TNFRSF1A: variants seen among roughly 807,000 people sequenced by gnomAD.
TNFRSF1A encodes the protein tumor necrosis factor receptor superfamily member 1A.
TNFRSF1A carries 9 observed loss-of-function variants against 41.6 expected under a neutral mutation model. That is an observed-to-expected ratio of 0.22 (90% CI 0.13 to 0.38). The LOEUF (loss-of-function observed/expected upper bound fraction) is 0.38. Among genes scored for constraint, TNFRSF1A ranks in the 10% least tolerant of loss-of-function variants. The pLI is 1.00. For synonymous variants in TNFRSF1A, 254 were observed against 248.6 expected (o/e 1.02, Z -0.21); for missense variants, 463 against 591.5 (o/e 0.78, Z 2.25).
chr12:6,339,154 G>T (rs1415784160), intron 1 of TNFRSF1A, among the ~76,000 whole-genome samples: 1 of 152,028 alleles, frequency 6.6e-6, no homozygotes, highest in African/African-American at 2.4e-5. Flanking sequence ...CTGCCACCCT[G>T]CCCATCAACA....
At chr12:6,338,403 T>G (rs1948146594) in intron 1 of TNFRSF1A, among the ~76,000 whole-genome samples, 1 of 152,112 alleles carries the variant, frequency 6.6e-6, no homozygotes, top group Non-Finnish European at 1.5e-5. Context: ...TTATTGCAAG[T>G]GTCTTCTAGC....
rs1326863625 is a variant in TNFRSF1A at position 6,329,231 on chromosome 12, G to T, written c.*81C>A. 4 of 1,362,094 alleles carry T rather than the reference G, an allele frequency of 2.9e-6. No individual in the cohort carries two copies. In the East Asian group the frequency reaches 1.1e-4, roughly 36 times the overall value. 84.4% of individuals were successfully genotyped at this position (1,362,094 alleles called of 1,614,324 possible). ...TGCTAGCTCCTGCTTGCCCCTGCAG[G>T]ACCCCTCCTTTCCAGAAAAAAGTGG... On this transcript the variant is annotated 3_prime_UTR_variant, in exon 10 of 10. Transcript: ENST00000162749.
intron 5 of TNFRSF1A, 24 bp from the exon 6 acceptor site, chr12:6,330,950 G>A: frequency 6.2e-7 from 1 of 1,602,946 alleles, no homozygotes; most frequent in Non-Finnish European, 8.5e-7. Context: ...CGGCACTGGT[G>A]AACAGAGGCC....
Position 6,329,718 on chromosome 12 carries a change from C to T in TNFRSF1A, c.1057+60G>A, listed in dbSNP as rs565880784. ...CTCTCGTGGTCCCCTCTGGGAGCGC[C>T]TCCCGCGCTCCCCCGGCCCTCCCCC... On this transcript the variant is annotated intron_variant, in intron 9 of 9. Transcript: ENST00000162749. The T allele has an allele frequency of 5.1e-5, 79 of 1,547,664 alleles. No individual in the cohort carries two copies. The African/African-American group carries it at 9.2e-4, about 18-fold the overall frequency.
chr12:6,330,972 G>A, intron 5 of TNFRSF1A, 46 bp from the exon 6 acceptor site: 1 of 1,536,008 alleles, frequency 6.5e-7, no homozygotes, highest in Non-Finnish European at 9.0e-7. Context: ...TACCATTGGA[G>A]GAACACAGAA....
rs1338058238 is a variant in TNFRSF1A at position 6,329,766 on chromosome 12, G to A, written c.1057+12C>T. 1.3e-6 allele frequency: 2 copies of A among 1,597,172 alleles called. No individual in the cohort carries two copies. Among genetic ancestry groups the A allele is most frequent in the Non-Finnish European group, 8.5e-7 (1 of 1,172,258 alleles). On this transcript the variant is annotated intron_variant, in intron 9 of 9. Transcript: ENST00000162749. ...CCCAGCCTCCTCGTCTCCAGCCGCG[G>A]GAGAAACTCACTGTCTAGGCTCTGT...
At chr12:6,330,441 C>T (rs1948034598) in intron 7 of TNFRSF1A, 146 bp from the exon 8 acceptor site, 1 of 1,028,362 alleles carries the variant, frequency 9.7e-7, no homozygotes. Context: ...TGCAGCTCGA[C>T]ATCTCCCCAG....
chr12:6,341,030 G>C lies in TNFRSF1A; in HGVS notation c.39+746C>G, dbSNP rs1001957616. Among the ~76,000 whole-genome samples the C allele has an allele frequency of 6.6e-6, 1 of 152,164 alleles. No individual in the cohort carries two copies. The highest frequency in any genetic ancestry group is 2.4e-5 in the African/African-American group (1 of 41,434). On this transcript the variant is annotated intron_variant, in intron 1 of 9. Transcript: ENST00000162749. This position sits in a 1 kb window ranked among gnomAD's most constrained non-coding sequence, Gnocchi z 4.6. Reference sequence around the variant, plus strand: ...CAGGCCCAGGGACACTGACCAGGTGGGGGTAGGACTAGCTCCCTGGGAAGG... The same window carrying C: ...CAGGCCCAGGGACACTGACCAGGTGCGGGTAGGACTAGCTCCCTGGGAAGG...
chr12:6,330,487 G>T, intron 7 of TNFRSF1A, 111 bp downstream of exon 7: 3 of 1,013,544 alleles, frequency 3.0e-6, no homozygotes, highest in Non-Finnish European at 4.6e-6. Context: ...AGTCCCCAGC[G>T]GTATGAACTG....
At chr12:6,330,172 C>T (rs958044584) in intron 8 of TNFRSF1A, 95 bp downstream of exon 8, 6 of 1,611,070 alleles carry the variant, frequency 3.7e-6, no homozygotes, top group South Asian at 1.1e-5. Flanking sequence ...GGCGAGCCCC[C>T]GGAAAGTGAA....
chr12:6,329,675 G>T, intron 9 of TNFRSF1A, 53 bp from the exon 10 acceptor site: 1 of 1,536,468 alleles, frequency 6.5e-7, no homozygotes, highest in East Asian at 2.4e-5. Flanking sequence ...GCCCCGCCCC[G>T]CATCCCGCGC....
Position 6,329,203 on chromosome 12 carries a change from G to A in TNFRSF1A, c.*109C>T, listed in dbSNP as rs1947990807. 9.1e-7 allele frequency: 1 copy of A among 1,101,330 alleles called. No homozygotes were observed. The highest frequency in any genetic ancestry group is 2.0e-5 in the South Asian group (1 of 49,130). 68.2% of individuals were successfully genotyped at this position (1,101,330 alleles called of 1,614,324 possible). ...ATCGAGGGGTTAGCACCAAGTAGGC[G>A]GCTGCTAGCTCCTGCTTGCCCCTGC... On this transcript the variant is annotated 3_prime_UTR_variant, in exon 10 of 10. Coordinates refer to ENST00000162749, the MANE Select transcript of TNFRSF1A (RefSeq NM_001065.4).
At chr12:6,339,942 C>T (rs556626430) in intron 1 of TNFRSF1A, among the ~76,000 whole-genome samples, 1 of 152,024 alleles carries the variant, frequency 6.6e-6, no homozygotes, top group Admixed American at 6.6e-5. Flanking sequence ...CCTTTGTTTT[C>T]CCTTTCCTCC....
chr12:6,331,975 T>TA (rs542819254), intron 5 of TNFRSF1A: 47 of 170,398 alleles, frequency 2.8e-4, no homozygotes, highest in African/African-American at 1.4e-3. Flanking sequence ...CATTCCAGCC[T>TA]GGGCGACAGA....
At position 6,341,893 on chromosome 12, in the gene TNFRSF1A, CTCGG is replaced by C; in HGVS notation, c.-83_-80del. 6.5e-7 allele frequency: 1 copy of C among 1,544,974 alleles called. No individual in the cohort carries two copies. Among genetic ancestry groups the C allele is most frequent in the South Asian group, 1.1e-5 (1 of 89,486 alleles). ...GCGGCAGTGCTGGGGCTTCCCGGGACTCGGTCTGTCCAGGACGTCCCAAGTGCCT... is the reference window on the plus strand; with the variant it reads ...GCGGCAGTGCTGGGGCTTCCCGGGACTCTGTCCAGGACGTCCCAAGTGCCT... On this transcript the variant is annotated 5_prime_UTR_variant, in exon 1 of 10. It removes the in-frame stop codon of an upstream open reading frame in the 5' UTR. Transcript: ENST00000162749. This position sits in a 1 kb window ranked among gnomAD's most constrained non-coding sequence, Gnocchi z 4.6.
chr12:6,329,109 G>A lies in TNFRSF1A; in HGVS notation c.*203C>T. On this transcript the variant is annotated 3_prime_UTR_variant, in exon 10 of 10. Coordinates refer to ENST00000162749, the MANE Select transcript of TNFRSF1A (RefSeq NM_001065.4). The stretch of plus-strand genomic sequence containing the variant: ...ACCCACTCAGGCTCTTGAGCCCACG[G>A]CGCACCTCTCTCCGCGCGCACAGCG... The A allele has an allele frequency of 2.1e-6, 1 of 470,982 alleles. No homozygotes were observed. The highest frequency in any genetic ancestry group is 3.5e-6 in the Non-Finnish European group (1 of 283,708). The allele number at this position is 470,982 out of a possible 1,614,324, so 29.2% of individuals were successfully genotyped here.
intron 1 of TNFRSF1A, among the ~76,000 whole-genome samples, chr12:6,336,508 C>A (rs899860044): frequency 6.6e-6 from 1 of 152,154 alleles, no homozygotes; most frequent in African/African-American, 2.4e-5. Context: ...CCCTCCTTCC[C>A]ATCCCCACTC....
At position 6,330,277 on chromosome 12, in the gene TNFRSF1A, G is replaced by C; in HGVS notation, c.758C>G (p.Pro253Arg). 6.2e-7 allele frequency: 1 copy of C among 1,614,038 alleles called. No individual in the cohort carries two copies. Among genetic ancestry groups the C allele is most frequent in the African/African-American group, 1.3e-5 (1 of 75,008 alleles). ...CTCATTTCATCTCACCTCTTTTTCA[G>C]GTGTCGATTTCCCACAAACTGAGGA... is the stretch of plus-strand genomic sequence containing the variant. Reference protein sequence around the residue: ...LYSIVCGKSTPEKEGELEGTT... With the variant: ...LYSIVCGKSTREKEGELEGTT... Residue 253 changes from proline (P) to arginine (R), a missense_variant, in exon 8 of 10, where the codon CCT (proline) becomes CGT (arginine). Coordinates refer to ENST00000162749, the MANE Select transcript of TNFRSF1A (RefSeq NM_001065.4).
intron 5 of TNFRSF1A, among the ~76,000 whole-genome samples, chr12:6,332,465 A>G (rs1457594952): frequency 1.3e-5 from 2 of 150,988 alleles, no homozygotes; most frequent in Admixed American, 6.6e-5. Flanking sequence ...ACACCAAAAG[A>G]AAAGTCAGGC....
Sources: gnomAD v4.1 joint callset for allele counts (sites outside exome capture counted in the v4.1 genomes callset) on GRCh38, gnomAD v4.1.1 for gene constraint, Gnocchi (gnomAD v3.1) non-coding constraint, MANE v1.5 for transcripts, NCBI Gene and HGNC (gene_info 2026-07-23, HGNC 2026-07-21) for gene names.